SV2B: variants seen among roughly 807,000 people sequenced by gnomAD.
SV2B encodes solute carrier family 22 member B2.
SV2B carries 41 observed loss-of-function variants against 73.9 expected under a neutral mutation model. The observed-to-expected ratio is 0.56, with a 90% CI of 0.43 to 0.72. SV2B has a LOEUF of 0.72. Ranked by LOEUF, SV2B falls within the 30% of genes least tolerant of loss-of-function variation. The pLI is 0.00. For missense variants in SV2B, 764 were observed against 857.8 expected (o/e 0.89, Z 1.37); for synonymous variants, 314 against 314.2 (o/e 1.00, Z 0.01).
chr15:91,168,505 G>C (rs1244914646), intron 1 of SV2B, among the ~76,000 whole-genome samples: 1 of 152,028 alleles, frequency 6.6e-6, no homozygotes, highest in Non-Finnish European at 1.5e-5. Flanking sequence ...GAAAAAGGGA[G>C]AAAAAGGGGA....
intron 2 of SV2B, among the ~76,000 whole-genome samples, chr15:91,243,522 T>A (rs1654370365): frequency 6.6e-6 from 1 of 152,168 alleles, no homozygotes; most frequent in Non-Finnish European, 1.5e-5. Flanking sequence ...CTCACTGTTG[T>A]CTTAAATCCT....
Position 91,124,112 on chromosome 15 carries a change from A to G in SV2B, c.-392+23749A>G, listed in dbSNP as rs1372078785. On this transcript the variant is annotated intron_variant, in intron 1 of 12. Coordinates refer to ENST00000394232, the MANE Select transcript of SV2B (RefSeq NM_001323032.3). This position sits in a 1 kb window ranked among gnomAD's most constrained non-coding sequence, Gnocchi z 4.6. The stretch of plus-strand genomic sequence containing the variant: ...CCTGGGTAAACACCAAGGTGGGCAA[A>G]CTGTGTTTTGGCTTGCTGGTACTGG... Among the ~76,000 whole-genome samples the G allele has an allele frequency of 6.6e-6, 1 of 152,118 alleles. No homozygotes were observed. The highest frequency in any genetic ancestry group is 1.9e-4 in the East Asian group (1 of 5,194).
chr15:91,202,042 C>T (rs1289562526), intron 1 of SV2B, among the ~76,000 whole-genome samples: 1 of 152,174 alleles, frequency 6.6e-6, no homozygotes, highest in African/African-American at 2.4e-5. Flanking sequence ...AGTCTTTCTT[C>T]AAATATCTGC....
rs2049117482 is a variant in SV2B at position 91,293,519 on chromosome 15, G to A, written c.*967G>A. 6.6e-6 allele frequency: 1 copy of A among 152,186 alleles called. No individual in the cohort carries two copies. The highest frequency in any genetic ancestry group is 2.1e-4 in the South Asian group (1 of 4,832). 9.4% of individuals were successfully genotyped at this position (152,186 alleles called of 1,614,324 possible). ...AGTTACTTCTCTCCCTTACACAGAT[G>A]ACTTGTGAAACTCAAGCTCACCATC... On this transcript the variant is annotated 3_prime_UTR_variant, in exon 13 of 13. Transcript: ENST00000394232.
In SV2B at chr15:91,284,786, A is replaced by C. The variant is rs1226452700; in HGVS notation, c.1708+565A>C. On this transcript the variant is annotated intron_variant, in intron 11 of 12. Transcript: ENST00000394232. This position sits in a 1 kb window ranked among gnomAD's most constrained non-coding sequence, Gnocchi z 4.5. ...AGCTGGTAGGGTTTTGTGAGAATTGAACATAAGGTACCTGTAACACTTGGC... is the reference window on the plus strand; with the variant it reads ...AGCTGGTAGGGTTTTGTGAGAATTGCACATAAGGTACCTGTAACACTTGGC... 3.9e-5 allele frequency among the ~76,000 whole-genome samples: 6 copies of C among 152,194 alleles called. No individual in the cohort carries two copies. Among genetic ancestry groups the C allele is most frequent in the Admixed American group, 1.3e-4 (2 of 15,276 alleles).
In SV2B at chr15:91,294,086, T is replaced by A. The variant is rs2049137787; in HGVS notation, c.*1534T>A. On this transcript the variant is annotated 3_prime_UTR_variant, in exon 13 of 13. Transcript: ENST00000394232. This position sits in a 1 kb window ranked among gnomAD's most constrained non-coding sequence, Gnocchi z 4.1. ...TGCCCAGGCCGGATGAACATCAGCC[T>A]GCAAGAACTAGTTGTTTGAGTTGAT... is the stretch of plus-strand genomic sequence containing the variant. 6.6e-6 allele frequency: 1 copy of A among 152,236 alleles called. No homozygotes were observed. The highest frequency in any genetic ancestry group is 2.1e-4 in the South Asian group (1 of 4,830). The allele number at this position is 152,236 out of a possible 1,614,324, so 9.4% of individuals were successfully genotyped here. A position where few individuals can be genotyped will look rare whatever the true frequency, so the allele number is the denominator to read the frequency against.
At chr15:91,246,686 C>T (rs1447994724) in intron 2 of SV2B, among the ~76,000 whole-genome samples, 1 of 151,658 alleles carries the variant, frequency 6.6e-6, no homozygotes, top group Non-Finnish European at 1.5e-5. Flanking sequence ...AAGTCTTTTC[C>T]ACTCCACCAC....
chr15:91,266,785 C>A, intron 7 of SV2B, 93 bp downstream of exon 7: 1 of 1,018,670 alleles, frequency 9.8e-7, no homozygotes, highest in Non-Finnish European at 1.4e-6. Flanking sequence ...ACATCCCCAC[C>A]AACCTGGGCC....
chr15:91,259,692 A>G (rs188970256), intron 5 of SV2B, among the ~76,000 whole-genome samples: 1 of 152,098 alleles, frequency 6.6e-6, no homozygotes, highest in Non-Finnish European at 1.5e-5. Context: ...GGTTTGTGGC[A>G]ATTTTGACCA....
chr15:91,179,630 C>T (rs1467476352), intron 1 of SV2B, among the ~76,000 whole-genome samples: 2 of 152,168 alleles, frequency 1.3e-5, no homozygotes, highest in Admixed American at 1.3e-4. Context: ...TTGAATTGAT[C>T]CCTTTACCAT....
At chr15:91,133,813 G>A (rs1176232527) in intron 1 of SV2B, among the ~76,000 whole-genome samples, 1 of 152,048 alleles carries the variant, frequency 6.6e-6, no homozygotes. Flanking sequence ...AGCCTTCCAG[G>A]TATGCGATCC....
rs946704592 is a variant in SV2B, at chr15:91,261,077, A to G, written c.1008+668A>G. Among the ~76,000 whole-genome samples, 13 of 152,176 alleles carry G rather than the reference A, an allele frequency of 8.5e-5. No homozygotes were observed. Among genetic ancestry groups the G allele is most frequent in the African/African-American group, 3.1e-4 (13 of 41,442 alleles). ...GGGGTTCAAGACCAGCCTGGCCAAC[A>G]TGGCAAAACCCCATGTCTACTAAAA... On this transcript the variant is annotated intron_variant, in intron 6 of 12. Transcript: ENST00000394232. This position sits in a 1 kb window ranked among gnomAD's most constrained non-coding sequence, Gnocchi z 4.7.
intron 1 of SV2B, among the ~76,000 whole-genome samples, chr15:91,148,378 C>T (rs1353314630): frequency 6.6e-6 from 1 of 152,082 alleles, no homozygotes; most frequent in Non-Finnish European, 1.5e-5. Context: ...TCATATAGCA[C>T]AGGAAGCAGG....
intron 2 of SV2B, among the ~76,000 whole-genome samples, chr15:91,249,761 T>C (rs1180763419): frequency 2.0e-5 from 3 of 152,204 alleles, no homozygotes; most frequent in African/African-American, 7.2e-5. Flanking sequence ...TTGTGTAATC[T>C]GGAAGAAATG....
intron 6 of SV2B, among the ~76,000 whole-genome samples, chr15:91,263,634 GCA>G (rs2048003278): frequency 7.6e-6 from 1 of 131,468 alleles, no homozygotes; most frequent in African/African-American, 2.9e-5. Context: ...ACACACAGAC[GCA>G]CATTAAGACA....
Position 91,258,613 on chromosome 15 carries a change from T to C in SV2B, c.918+59T>C, listed in dbSNP as rs1207429416. The C allele has an allele frequency of 6.2e-7, 1 of 1,607,108 alleles. No individual in the cohort carries two copies. The highest frequency in any genetic ancestry group is 8.5e-7 in the Non-Finnish European group (1 of 1,176,736). Reference sequence around the variant, plus strand: ...ACAAAACAGCCACAGGAACCCAGCCTCGCTTCCTTCTCTCAGCTCCTAGTC... The same window carrying C: ...ACAAAACAGCCACAGGAACCCAGCCCCGCTTCCTTCTCTCAGCTCCTAGTC... On this transcript the variant is annotated intron_variant, in intron 5 of 12. Coordinates refer to ENST00000394232, the MANE Select transcript of SV2B (RefSeq NM_001323032.3). This position sits in a 1 kb window ranked among gnomAD's most constrained non-coding sequence, Gnocchi z 4.7.
In SV2B at chr15:91,220,755, C is replaced by T. The variant is rs1006185686; in HGVS notation, c.-391-5118C>T. Among the ~76,000 whole-genome samples the T allele has an allele frequency of 1.3e-5, 2 of 152,198 alleles. No individual in the cohort carries two copies. Among genetic ancestry groups the T allele is most frequent in the Non-Finnish European group, 2.9e-5 (2 of 68,036 alleles). On this transcript the variant is annotated intron_variant, in intron 1 of 12. Coordinates refer to ENST00000394232, the MANE Select transcript of SV2B (RefSeq NM_001323032.3). This position sits in a 1 kb window ranked among gnomAD's most constrained non-coding sequence, Gnocchi z 4.1. ...TTCCTAGCCCAGCCCTGATGGGCCC[C>T]AAATCTCATGGGGCATGAGGCTAGG... is the stretch of plus-strand genomic sequence containing the variant.
chr15:91,133,572 G>A (rs1163055866), intron 1 of SV2B, among the ~76,000 whole-genome samples: 1 of 152,106 alleles, frequency 6.6e-6, no homozygotes, highest in Non-Finnish European at 1.5e-5. Context: ...AGCCCTGTGA[G>A]GGTCTGCAGA....
chr15:91,128,698 T>C lies in SV2B; in HGVS notation c.-392+28335T>C, dbSNP rs1333238142. The C allele has an allele frequency of 6.6e-6, 1 of 152,246 alleles. No individual in the cohort carries two copies. Among genetic ancestry groups the C allele is most frequent in the African/African-American group, 2.4e-5 (1 of 41,456 alleles). The allele number at this position is 152,246 out of a possible 1,614,324, so 9.4% of individuals were successfully genotyped here. A position where few individuals can be genotyped will look rare whatever the true frequency, so the allele number is the denominator to read the frequency against. On this transcript the variant is annotated intron_variant, in intron 1 of 12. Coordinates refer to ENST00000394232, the MANE Select transcript of SV2B (RefSeq NM_001323032.3). The surrounding 1 kb of genome is among the most constrained non-coding windows in gnomAD (Gnocchi z 4.2). ...GTAAAACCTGGCCATAAAGAAATTA[T>C]CTGACCAACCTTCTTTGACTATAGG... is the stretch of plus-strand genomic sequence containing the variant.
Sources: allele counts gnomAD v4.1 joint callset (sites outside exome capture counted in the v4.1 genomes callset), GRCh38; gene constraint gnomAD v4.1.1; non-coding constraint Gnocchi (gnomAD v3.1); transcripts MANE v1.5; gene names NCBI Gene and HGNC (gene_info 2026-07-23, HGNC 2026-07-21).